WDR41: variants seen among roughly 807,000 people sequenced by gnomAD.
WDR41 encodes WD repeat-containing protein 41.
Under a neutral mutation model 69.3 loss-of-function variants are expected in WDR41, and 63 were observed. That is an observed-to-expected ratio of 0.91 (90% CI 0.74 to 1.12). The LOEUF is 1.12. Among genes scored for constraint, WDR41 ranks in the 50% most tolerant of loss-of-function variants. WDR41 has a pLI of 0.00. For missense variants in WDR41, 543 were observed against 534.5 expected, an observed-to-expected ratio of 1.02 and a Z score of -0.16; for synonymous variants, 185 against 192.1, an observed-to-expected ratio of 0.96 and a Z score of 0.31.
rs1165817974 is a variant in WDR41 at position 77,451,279 on chromosome 5, A to AT, written c.586+11dup. 1 of 1,613,290 alleles carries AT rather than the reference A, an allele frequency of 6.2e-7. No homozygotes were observed. Among genetic ancestry groups the AT allele is most frequent in the Non-Finnish European group, 8.5e-7 (1 of 1,179,554 alleles). The stretch of plus-strand genomic sequence containing the variant: ...GTTCAAAATACACAAAAAGAAAAAA[A>AT]TTCATACTCACTCAGTTCTTTGCCA... On this transcript the variant is annotated intron_variant, in intron 7 of 12. Transcript: ENST00000296679.
intron 1 of WDR41, among the ~76,000 whole-genome samples, chr5:77,578,845 C>T (rs1380587861): frequency 1.2e-5 from 1 of 83,856 alleles, no homozygotes; most frequent in Non-Finnish European, 2.1e-5. Context: ...GTCTGAGTGA[C>T]AAGAGCAAAA....
chr5:77,609,788 C>G (rs1398113007), intron 1 of WDR41, among the ~76,000 whole-genome samples: 1 of 151,702 alleles, frequency 6.6e-6, no homozygotes, highest in African/African-American at 2.4e-5. Flanking sequence ...TCACCAGCAA[C>G]GGAACAAAGC....
At chr5:77,599,096 T>G (rs1042173807) in intron 1 of WDR41, among the ~76,000 whole-genome samples, 67 of 151,530 alleles carry the variant, frequency 4.4e-4, no homozygotes, top group African/African-American at 1.5e-3. Context: ...CATATGTTCC[T>G]TTAATGAGGT....
intron 2 of WDR41, among the ~76,000 whole-genome samples, chr5:77,467,731 C>G (rs6876668): frequency 6.6e-6 from 1 of 151,912 alleles, no homozygotes; most frequent in Non-Finnish European, 1.5e-5. Context: ...CATAAGCAAA[C>G]ATTTAAGTGT....
At chr5:77,551,911 G>A (rs974159961) in intron 1 of WDR41, among the ~76,000 whole-genome samples, 10 of 148,772 alleles carry the variant, frequency 6.7e-5, no homozygotes, top group South Asian at 2.1e-4. Flanking sequence ...CTAGGGAGGC[G>A]GAGGTTGCAG....
intron 12 of WDR41, among the ~76,000 whole-genome samples, chr5:77,433,701 G>C (rs1798819585): frequency 6.6e-6 from 1 of 152,138 alleles, no homozygotes; most frequent in Admixed American, 6.6e-5. Flanking sequence ...TAGGTGTTAA[G>C]TGTCAGCACT....
intron 1 of WDR41, among the ~76,000 whole-genome samples, chr5:77,527,219 A>T (rs999495982): frequency 2.0e-5 from 3 of 151,648 alleles, no homozygotes; most frequent in Admixed American, 6.6e-5. Flanking sequence ...CAGATTTTTA[A>T]AAAAAATCTA....
chr5:77,539,470 CT>C (rs1743049546), intron 1 of WDR41, among the ~76,000 whole-genome samples: 1 of 152,014 alleles, frequency 6.6e-6, no homozygotes, highest in Non-Finnish European at 1.5e-5. Flanking sequence ...CTGATTCTGC[CT>C]TTCTAATGAG....
chr5:77,462,052 G>A (rs1470119489), intron 4 of WDR41, among the ~76,000 whole-genome samples: 1 of 152,112 alleles, frequency 6.6e-6, no homozygotes, highest in African/African-American at 2.4e-5. Flanking sequence ...TACACTGGCT[G>A]TGTGCCTTGG....
intron 2 of WDR41, among the ~76,000 whole-genome samples, chr5:77,475,850 G>T (rs1800897148): frequency 6.6e-6 from 1 of 152,122 alleles, no homozygotes; most frequent in Admixed American, 6.5e-5. Flanking sequence ...AGAGAAGAAG[G>T]CTTCAGACGA....
At chr5:77,496,921 A>C (rs1451368619), upstream of WDR41, among the ~76,000 whole-genome samples, 1 of 152,180 alleles carries the variant, frequency 6.6e-6, no homozygotes, top group Admixed American at 6.5e-5. Context: ...ATGGAATAGA[A>C]CAGAGAGCCT....
At position 77,431,820 on chromosome 5, in the gene WDR41, A is replaced by G. The variant is rs755933284; in HGVS notation, c.*1315T>C. On this transcript the variant is annotated 3_prime_UTR_variant, in exon 13 of 13. Transcript: ENST00000296679. ...TGTAATTGAGGTAGCTTAAGTTTTA[A>G]TATTTCTCCATAGAACTTTTCATGA... 3 of 152,230 alleles carry G rather than the reference A, an allele frequency of 2.0e-5. No homozygotes were observed. The highest frequency in any genetic ancestry group is 2.9e-5 in the Non-Finnish European group (2 of 68,042). 9.4% of individuals were successfully genotyped at this position (152,230 alleles called of 1,614,324 possible).
At chr5:77,556,078 G>A (rs1580007872) in intron 1 of WDR41, among the ~76,000 whole-genome samples, 1 of 150,754 alleles carries the variant, frequency 6.6e-6, no homozygotes, top group Non-Finnish European at 1.5e-5. Flanking sequence ...TGACAAAGGT[G>A]GTGGGGAAAA....
chr5:77,464,796 C>G lies in WDR41; in HGVS notation c.181G>C (p.Gly61Arg). 1 of 1,612,960 alleles carries G rather than the reference C, an allele frequency of 6.2e-7. No individual in the cohort carries two copies. Among genetic ancestry groups the G allele is most frequent in the Non-Finnish European group, 8.5e-7 (1 of 1,179,740 alleles). The change falls in exon 3 of 13, where the codon GGT (glycine) becomes CGT (arginine). Residue 61 changes from glycine (G) to arginine (R), a missense_variant. Transcript: ENST00000296679. ...QLDDYRFASA[G>R]DDGIVVVWNA... ...CACACAACTACAATTCCATCATCAC[C>G]AGCAGATGCAAATCTGGTTAGGGAG...
At chr5:77,614,771 A>C (rs1246537096) in intron 1 of WDR41, among the ~76,000 whole-genome samples, 1 of 151,758 alleles carries the variant, frequency 6.6e-6, no homozygotes, top group Non-Finnish European at 1.5e-5. Context: ...CACATTGTGC[A>C]CATGTACCCT....
At chr5:77,592,990 G>A (rs1314830846) in intron 1 of WDR41, among the ~76,000 whole-genome samples, 1 of 152,154 alleles carries the variant, frequency 6.6e-6, no homozygotes, top group African/African-American at 2.4e-5. Context: ...ACATTCCCAG[G>A]TAAGGGACCT....
chr5:77,512,776 C>T (rs926091963), intron 1 of WDR41, among the ~76,000 whole-genome samples: 1 of 142,906 alleles, frequency 7.0e-6, no homozygotes, highest in Non-Finnish European at 1.6e-5. Context: ...ATTGGTCAGG[C>T]GGGACCTCAA....
intron 1 of WDR41, among the ~76,000 whole-genome samples, chr5:77,505,265 C>A (rs1307641047): frequency 6.6e-6 from 1 of 151,694 alleles, no homozygotes; most frequent in East Asian, 1.9e-4. Flanking sequence ...CATGAGTGAA[C>A]GCCCATTTAC....
intron 1 of WDR41, among the ~76,000 whole-genome samples, chr5:77,606,709 G>C (rs1026868839): frequency 6.6e-6 from 1 of 151,932 alleles, no homozygotes; most frequent in Non-Finnish European, 1.5e-5. Context: ...AGGCTGAGGA[G>C]GGATGATCAC....
Sources: gnomAD v4.1 joint callset for allele counts (sites outside exome capture counted in the v4.1 genomes callset) on GRCh38, gnomAD v4.1.1 for gene constraint, MANE v1.5 for transcripts, NCBI Gene and HGNC (gene_info 2026-07-23, HGNC 2026-07-21) for gene names.